STK39: variants seen among roughly 807,000 people sequenced by gnomAD.
STK39 encodes the protein serine/threonine kinase 39, also known as STE20/SPS1-related proline-alanine-rich protein kinase.
A neutral mutation model predicts 77.8 loss-of-function variants in STK39; 20 were observed. That is an observed-to-expected ratio of 0.26 (90% CI 0.18 to 0.37). The LOEUF is 0.37. Among genes scored for constraint, STK39 ranks in the 10% least tolerant of loss-of-function variants. The pLI is 1.00. For missense variants in STK39, 479 were observed against 656.5 expected (o/e 0.73, Z 2.95); for synonymous variants, 246 against 234.1 (o/e 1.05, Z -0.47).
At chr2:168,123,360 G>A (rs1020528348) in intron 10 of STK39, among the ~76,000 whole-genome samples, 4 of 152,140 alleles carry the variant, frequency 2.6e-5, no homozygotes, top group Non-Finnish European at 5.9e-5. Context: ...TTACATCGAT[G>A]TTCTTTTCCT....
chr2:168,149,493 C>T (rs996363328), intron 5 of STK39, among the ~76,000 whole-genome samples: 1 of 152,360 alleles, frequency 6.6e-6, no homozygotes, highest in Non-Finnish European at 1.5e-5. Context: ...CTTCTTGCTA[C>T]GTGAGATAAT....
At chr2:168,034,883 A>G (rs1365122488) in intron 14 of STK39, among the ~76,000 whole-genome samples, 2 of 152,190 alleles carry the variant, frequency 1.3e-5, no homozygotes, top group African/African-American at 4.8e-5. Flanking sequence ...CAACTGGGAG[A>G]AAAAAACCAT....
At chr2:167,956,332 G>T (rs962137783) in intron 17 of STK39, among the ~76,000 whole-genome samples, 1 of 152,178 alleles carries the variant, frequency 6.6e-6, no homozygotes, top group African/African-American at 2.4e-5. Context: ...GCCGAGGCAG[G>T]TGGATCATGA....
chr2:168,074,119 GTCC>G (rs1686013481), intron 12 of STK39, among the ~76,000 whole-genome samples: 1 of 152,134 alleles, frequency 6.6e-6, no homozygotes, highest in Admixed American at 6.6e-5. Flanking sequence ...TGGCTCTGCT[GTCC>G]TCCTCCTTAC....
intron 10 of STK39, among the ~76,000 whole-genome samples, chr2:168,116,621 A>G (rs537190882): frequency 5.3e-5 from 8 of 152,294 alleles, no homozygotes; most frequent in African/African-American, 1.7e-4. Context: ...ATGATGTCTC[A>G]AACATATGTA....
chr2:168,101,010 T>C (rs1574465340), intron 10 of STK39, among the ~76,000 whole-genome samples: 1 of 152,160 alleles, frequency 6.6e-6, no homozygotes, highest in Non-Finnish European at 1.5e-5. Flanking sequence ...ATATACACCA[T>C]GGAATACTAT....
chr2:167,989,090 T>A (rs1484672206), intron 16 of STK39, among the ~76,000 whole-genome samples: 1 of 152,150 alleles, frequency 6.6e-6, no homozygotes, highest in Admixed American at 6.5e-5. Context: ...AGATGAAAGA[T>A]TAGGCCAGGG....
At chr2:168,043,745 T>C (rs982342696) in intron 14 of STK39, among the ~76,000 whole-genome samples, 1 of 152,244 alleles carries the variant, frequency 6.6e-6, no homozygotes, top group African/African-American at 2.4e-5. Context: ...TATTACTCTG[T>C]GAAGATTTTG....
chr2:168,119,466 T>C (rs779617013), intron 10 of STK39, among the ~76,000 whole-genome samples: 4 of 152,182 alleles, frequency 2.6e-5, no homozygotes, highest in Non-Finnish European at 5.9e-5. Context: ...TTGCTTTGAT[T>C]TGCTAATAGA....
chr2:168,151,554 G>A (rs780564869), intron 5 of STK39, among the ~76,000 whole-genome samples: 2 of 151,962 alleles, frequency 1.3e-5, no homozygotes, highest in African/African-American at 2.4e-5. Context: ...AGCTAACACG[G>A]TGAAACCCCA....
chr2:168,115,233 A>C (rs183488796), intron 10 of STK39, among the ~76,000 whole-genome samples: 23 of 152,366 alleles, frequency 1.5e-4, no homozygotes, highest in Non-Finnish European at 2.1e-4. Flanking sequence ...TTCCAATGCC[A>C]AAAATAAATA....
chr2:167,967,593 G>GT (rs1692193333), intron 16 of STK39, among the ~76,000 whole-genome samples: 2 of 152,160 alleles, frequency 1.3e-5, no homozygotes, highest in Non-Finnish European at 2.9e-5. Flanking sequence ...AACAATATCA[G>GT]TAACAGCCAC....
intron 10 of STK39, among the ~76,000 whole-genome samples, chr2:168,120,380 G>A (rs1031716536): frequency 1.3e-5 from 2 of 152,124 alleles, no homozygotes; most frequent in Non-Finnish European, 2.9e-5. Context: ...CAGATGCTAT[G>A]CCCACATACC....
chr2:168,094,808 C>T (rs1051692421), intron 10 of STK39, among the ~76,000 whole-genome samples: 9 of 152,178 alleles, frequency 5.9e-5, no homozygotes, highest in African/African-American at 1.9e-4. Flanking sequence ...CACCTTCAAA[C>T]GGAAATCCCA....
At chr2:167,963,817 A>G (rs1574348827) in intron 17 of STK39, among the ~76,000 whole-genome samples, 1 of 152,324 alleles carries the variant, frequency 6.6e-6, no homozygotes, top group South Asian at 2.1e-4. Flanking sequence ...CACATTTTCC[A>G]TTTAATTTCA....
Position 168,138,179 on chromosome 2 carries a change from T to A in STK39, c.883A>T (p.Thr295Ser). Residue 295 changes from threonine to serine, a missense_variant, in exon 8 of 18, where the codon ACA (threonine) becomes TCA (serine). This residue lies in a region of STK39 where 244 missense variants were observed against 296.8 expected (regional missense o/e 0.82). Coordinates refer to ENST00000355999, the MANE Select transcript of STK39 (RefSeq NM_013233.3). ...TLQNDPPTLE[T>S]GVEDKEMMKK... ...ATCATTTCTTTATCCTCTACCCCTG[T>A]TTCCAAAGTGGGTGGATCATTTTGC... 4 of 1,613,874 alleles carry A rather than the reference T, an allele frequency of 2.5e-6. No homozygotes were observed. Among genetic ancestry groups the A allele is most frequent in the Non-Finnish European group, 2.5e-6 (3 of 1,179,902 alleles).
chr2:168,088,504 G>A (rs1016607047), intron 10 of STK39, among the ~76,000 whole-genome samples: 6 of 152,158 alleles, frequency 3.9e-5, no homozygotes, highest in African/African-American at 7.2e-5. Context: ...CCCAGCAGCA[G>A]AACTTCACAG....
chr2:167,992,828 G>C (rs1683735256), intron 16 of STK39, among the ~76,000 whole-genome samples: 1 of 151,876 alleles, frequency 6.6e-6, no homozygotes, highest in African/African-American at 2.4e-5. Context: ...AAGCACCAAG[G>C]GTACACCAAC....
chr2:168,025,166 T>C (rs1193150121), intron 14 of STK39, among the ~76,000 whole-genome samples: 1 of 152,160 alleles, frequency 6.6e-6, no homozygotes, highest in Non-Finnish European at 1.5e-5. Flanking sequence ...TCCCTCACCA[T>C]TTCCCCTTCT....
Sources: allele counts gnomAD v4.1 joint callset (sites outside exome capture counted in the v4.1 genomes callset), GRCh38; gene constraint gnomAD v4.1.1; regional missense constraint gnomAD v4.1.1; transcripts MANE v1.5; gene names NCBI Gene and HGNC (gene_info 2026-07-23, HGNC 2026-07-21).